The following ELF1 variants were observed in gnomAD, a reference collection of about 807,000 sequenced individuals.
The protein encoded by ELF1 is E74 like ETS transcription factor 1.
Under a neutral mutation model 59.9 loss-of-function variants are expected in ELF1, and 24 were observed. The observed-to-expected ratio is 0.40, with a 90% CI of 0.29 to 0.56. The LOEUF (loss-of-function observed/expected upper bound fraction) is 0.56. Ranked by LOEUF, ELF1 falls within the 20% of genes least tolerant of loss-of-function variation. ELF1 has a pLI of 0.44. For synonymous variants in ELF1, 248 were observed against 266.2 expected (o/e 0.93, Z 0.67); for missense variants, 627 against 742.2 (o/e 0.84, Z 1.80).
rs535009561 is a variant in ELF1, at chr13:40,946,056, C to T, written c.530-2131G>A. 2.0e-3 allele frequency among the ~76,000 whole-genome samples: 298 copies of T among 152,272 alleles called. 2 individuals carry two copies. The highest frequency in any genetic ancestry group is 5.4e-3 in the Admixed American group (82 of 15,288). ...AGAGATTGCGTTTCACCATGTTGCTCTCGAATTTCCGACCTCAGGATGTCT... is the reference window on the plus strand; with the variant it reads ...AGAGATTGCGTTTCACCATGTTGCTTTCGAATTTCCGACCTCAGGATGTCT... On this transcript the variant is annotated intron_variant, in intron 5 of 8. Coordinates refer to ENST00000239882, the MANE Select transcript of ELF1 (RefSeq NM_172373.4).
chr13:41,018,734 AAC>A (rs1244109865), intron 1 of ELF1, among the ~76,000 whole-genome samples: 2 of 152,164 alleles, frequency 1.3e-5, no homozygotes. Context: ...ATAAATAAAT[AAC>A]AGTCAATGAG....
At chr13:41,021,809 C>CA (rs953351507), upstream of ELF1, among the ~76,000 whole-genome samples, 16 of 151,980 alleles carry the variant, frequency 1.1e-4, no homozygotes, top group East Asian at 9.7e-4. Context: ...ATACAGATGG[C>CA]AAAAAAAGTA....
At chr13:40,999,621 T>C (rs1874308167) in intron 1 of ELF1, among the ~76,000 whole-genome samples, 1 of 152,218 alleles carries the variant, frequency 6.6e-6, no homozygotes, top group African/African-American at 2.4e-5. Context: ...ATGCAAGTCA[T>C]GTAAGTGGGA....
intron 2 of ELF1, among the ~76,000 whole-genome samples, chr13:40,981,464 C>T (rs1177560817): frequency 6.6e-6 from 1 of 151,930 alleles, no homozygotes; most frequent in Non-Finnish European, 1.5e-5. Context: ...CACTGAAAGC[C>T]GATTTAGAAA....
chr13:40,959,089 A>C (rs1871643809), intron 2 of ELF1, 73 bp from the exon 3 acceptor site: 1 of 1,489,266 alleles, frequency 6.7e-7, no homozygotes, highest in Non-Finnish European at 8.9e-7. Context: ...ATAATGCTCA[A>C]AACTATTTTA....
chr13:41,026,886 C>G lies in ELF1; in HGVS notation c.-229+33952G>C, dbSNP rs527404499. Among the ~76,000 whole-genome samples the G allele has an allele frequency of 2.0e-5, 3 of 152,334 alleles. No homozygotes were observed. In the East Asian group the frequency reaches 5.8e-4, roughly 29 times the overall value. On this transcript the variant is annotated intron_variant, in intron 1 of 1. Transcript: ENST00000405737. ...TGGTGCTACACTGTCTTTTCTCACC[C>G]AGATTGTACCTCTGGCCTCATGAGG...
At chr13:41,026,082 A>G (rs1192979385) in intron 1 of ELF1, among the ~76,000 whole-genome samples, 1 of 152,192 alleles carries the variant, frequency 6.6e-6, no homozygotes, top group Non-Finnish European at 1.5e-5. Flanking sequence ...CCATTATATC[A>G]ATGACATTAT....
At chr13:40,950,492 A>ATT (rs56369349) in intron 4 of ELF1, among the ~76,000 whole-genome samples, 9 of 150,332 alleles carry the variant, frequency 6.0e-5, no homozygotes, top group African/African-American at 9.8e-5. Flanking sequence ...GATTTCATTC[A>ATT]TTTTTTTTTT....
intron 1 of ELF1, among the ~76,000 whole-genome samples, chr13:41,011,002 A>G (rs553888456): frequency 3.7e-4 from 56 of 152,330 alleles, no homozygotes; most frequent in South Asian, 1.0e-3. Context: ...TGAAGAATGT[A>G]TATCTAGTTT....
intron 1 of ELF1, chr13:40,993,343 A>G (rs904168749): frequency 4.6e-6 from 6 of 1,299,596 alleles, no homozygotes; most frequent in Middle Eastern, 2.6e-4. Flanking sequence ...TTCAGCTACA[A>G]GACCCAATTA....
intron 1 of ELF1, among the ~76,000 whole-genome samples, chr13:40,992,094 AAAT>A (rs1246990181): frequency 2.7e-4 from 41 of 152,226 alleles, no homozygotes; most frequent in African/African-American, 9.4e-4. Context: ...AACTCTGATA[AAAT>A]AATGTCACAT....
intron 3 of ELF1, among the ~76,000 whole-genome samples, chr13:40,953,054 G>C (rs949256085): frequency 6.8e-6 from 1 of 147,642 alleles, no homozygotes. Flanking sequence ...TTGGCTCACC[G>C]CAACCTCTGC....
At chr13:40,951,545 TTA>T (rs374353098) in intron 3 of ELF1, 109 bp from the exon 4 acceptor site, 1,053 of 692,068 alleles carry the variant, frequency 1.5e-3, no homozygotes, top group Non-Finnish European at 1.7e-3. Context: ...ATATTTTAGT[TTA>T]TATATATATA....
At chr13:41,026,622 T>C (rs1321612540) in intron 1 of ELF1, among the ~76,000 whole-genome samples, 1 of 152,160 alleles carries the variant, frequency 6.6e-6, no homozygotes, top group Admixed American at 6.5e-5. Context: ...TACTTCCCTT[T>C]TGAGAGACAG....
chr13:41,060,555 C>G (rs1252786675), intron 1 of ELF1, among the ~76,000 whole-genome samples: 3 of 152,118 alleles, frequency 2.0e-5, no homozygotes, highest in African/African-American at 7.2e-5. Context: ...GCTTCTCCAG[C>G]AGGCACGGCG....
chr13:41,018,090 T>C (rs1875523291), intron 1 of ELF1, among the ~76,000 whole-genome samples: 1 of 152,186 alleles, frequency 6.6e-6, no homozygotes, highest in Non-Finnish European at 1.5e-5. Context: ...CATAGCAAAT[T>C]CTCAAAGAAC....
chr13:41,059,981 T>C (rs1468205045), intron 1 of ELF1, among the ~76,000 whole-genome samples: 2 of 152,158 alleles, frequency 1.3e-5, no homozygotes, highest in African/African-American at 4.8e-5. Flanking sequence ...CCATAGCTCG[T>C]GGTGTGTATT....
chr13:40,998,175 C>T (rs1874224464), intron 1 of ELF1, among the ~76,000 whole-genome samples: 1 of 151,950 alleles, frequency 6.6e-6, no homozygotes, highest in Non-Finnish European at 1.5e-5. Flanking sequence ...GCAGCAAAAC[C>T]ACAAGATGAG....
At chr13:41,038,538 A>G (rs1876477911) in intron 1 of ELF1, among the ~76,000 whole-genome samples, 1 of 152,136 alleles carries the variant, frequency 6.6e-6, no homozygotes, top group Non-Finnish European at 1.5e-5. Context: ...CTATAAAAAC[A>G]TTAGATTCTA....
Sources: gnomAD v4.1 joint callset for allele counts (sites outside exome capture counted in the v4.1 genomes callset) on GRCh38, gnomAD v4.1.1 for gene constraint, MANE v1.5 for transcripts, NCBI Gene and HGNC (gene_info 2026-07-23, HGNC 2026-07-21) for gene names.